PUM1: variants seen among roughly 807,000 people sequenced by gnomAD.
PUM1 encodes pumilio RNA binding family member 1.
A neutral mutation model predicts 131.8 loss-of-function variants in PUM1; 13 were observed. That is an observed-to-expected ratio of 0.10 (90% CI 0.06 to 0.16). PUM1 has a LOEUF of 0.16. PUM1 is among the 10% of genes least tolerant of loss of function. PUM1 has a pLI of 1.00. For missense variants in PUM1, 961 were observed against 1,512.4 expected, an observed-to-expected ratio of 0.64 and a Z score of 6.05; for synonymous variants, 509 against 556.5, an observed-to-expected ratio of 0.91 and a Z score of 1.20.
chr1:31,054,093 C>CCAA lies in PUM1; in HGVS notation c.363+5110_363+5111insTTG, dbSNP rs1553153860. Among the ~76,000 whole-genome samples, 254 of 54,876 alleles carry CCAA rather than the reference C, an allele frequency of 4.6e-3. 1 individual carries two copies. Among genetic ancestry groups the CCAA allele is most frequent in the Middle Eastern group, 0.023 (1 of 44 alleles). 36.0% of individuals were successfully genotyped at this position (54,876 alleles called of 152,430 possible). A position where few individuals can be genotyped will look rare whatever the true frequency, so the allele number is the denominator to read the frequency against. On this transcript the variant is annotated intron_variant, in intron 2 of 21. Coordinates refer to ENST00000426105, the MANE Select transcript of PUM1 (RefSeq NM_001020658.2). ...TGGACTACAGAGCAAGACTTTATTTCAAAAAAAAAAAAAAAAAAAAAAAAA... is the reference window on the plus strand; with the variant it reads ...TGGACTACAGAGCAAGACTTTATTTCCAAAAAAAAAAAAAAAAAAAAAAAAAAA...
intron 7 of PUM1, among the ~76,000 whole-genome samples, chr1:30,992,038 C>A (rs368158842): frequency 6.6e-6 from 1 of 152,290 alleles, no homozygotes; most frequent in East Asian, 1.9e-4. Flanking sequence ...ATTTTAAAAA[C>A]AAAACAAACC....
intron 14 of PUM1, among the ~76,000 whole-genome samples, chr1:30,962,583 G>T (rs1260246286): frequency 2.0e-5 from 3 of 151,940 alleles, no homozygotes; most frequent in Non-Finnish European, 4.4e-5. Flanking sequence ...GCTAATTTTT[G>T]TATTTTTTGG....
rs975089054 is a variant in PUM1 at position 30,952,929 on chromosome 1, T to A, written c.2592-566A>T. Among the ~76,000 whole-genome samples the A allele has an allele frequency of 1.3e-4, 20 of 151,934 alleles. 1 individual carries two copies. The highest frequency in any genetic ancestry group is 6.6e-4 in the Admixed American group (10 of 15,248). On this transcript the variant is annotated intron_variant, in intron 15 of 21. Coordinates refer to ENST00000426105, the MANE Select transcript of PUM1 (RefSeq NM_001020658.2). Reference sequence around the variant, plus strand: ...AGGCAGAGCTTGCAATGAGCCAAGATTGCGCCACTGCACTCCAGCCTGGGC... The same window carrying A: ...AGGCAGAGCTTGCAATGAGCCAAGAATGCGCCACTGCACTCCAGCCTGGGC...
At chr1:30,961,548 G>C (rs934209097) in intron 14 of PUM1, among the ~76,000 whole-genome samples, 1 of 151,826 alleles carries the variant, frequency 6.6e-6, no homozygotes, top group African/African-American at 2.4e-5. Flanking sequence ...GGGGGGAATA[G>C]AACTCAAAAA....
At chr1:31,046,397 T>TA (rs1033921478) in intron 2 of PUM1, among the ~76,000 whole-genome samples, 7 of 151,234 alleles carry the variant, frequency 4.6e-5, no homozygotes, top group Non-Finnish European at 7.4e-5. Context: ...AAAACAAAAT[T>TA]AAAAAAATCA....
intron 3 of PUM1, among the ~76,000 whole-genome samples, chr1:31,026,112 C>G (rs966131235): frequency 6.6e-6 from 1 of 151,824 alleles, no homozygotes; most frequent in Non-Finnish European, 1.5e-5. Context: ...TAAAATTAGC[C>G]GGGCACGGCG....
chr1:30,971,015 C>A (rs1237628933), intron 10 of PUM1, among the ~76,000 whole-genome samples: 4 of 152,158 alleles, frequency 2.6e-5, no homozygotes, highest in Admixed American at 2.6e-4. Context: ...TCCAGTACCC[C>A]TAACTACAAA....
chr1:31,058,316 T>C (rs987204476), intron 2 of PUM1, among the ~76,000 whole-genome samples: 1 of 152,146 alleles, frequency 6.6e-6, no homozygotes, highest in Non-Finnish European at 1.5e-5. Context: ...TAGCAGTTCT[T>C]ATGTCAACAG....
intron 3 of PUM1, among the ~76,000 whole-genome samples, chr1:31,026,379 A>G (rs958551981): frequency 6.6e-6 from 1 of 152,220 alleles, no homozygotes; most frequent in African/African-American, 2.4e-5. Flanking sequence ...CTAAACTAGA[A>G]GATGCTTTTT....
chr1:30,996,446 A>G (rs1429748931), intron 5 of PUM1, among the ~76,000 whole-genome samples: 2 of 152,232 alleles, frequency 1.3e-5, no homozygotes, highest in Non-Finnish European at 2.9e-5. Context: ...GATGCTCTTA[A>G]GAGATCACTG....
chr1:31,020,148 A>G (rs1642969619), intron 3 of PUM1, among the ~76,000 whole-genome samples: 1 of 152,172 alleles, frequency 6.6e-6, no homozygotes, highest in Admixed American at 6.5e-5. Flanking sequence ...CCCACTTACA[A>G]GTGAGAACAT....
chr1:30,954,601 C>T (rs1300226546), intron 14 of PUM1, among the ~76,000 whole-genome samples: 3 of 152,116 alleles, frequency 2.0e-5, no homozygotes, highest in Non-Finnish European at 4.4e-5. Flanking sequence ...GAAAAATTTT[C>T]GAGTTTTCAT....
intron 1 of PUM1, among the ~76,000 whole-genome samples, chr1:31,060,901 A>T (rs986074084): frequency 2.7e-4 from 41 of 151,152 alleles, no homozygotes; most frequent in African/African-American, 5.3e-4. Context: ...AAAAAAAAAA[A>T]ATAATAAATA....
intron 20 of PUM1, among the ~76,000 whole-genome samples, chr1:30,940,619 A>G (rs966076109): frequency 2.0e-5 from 3 of 152,226 alleles, no homozygotes; most frequent in Non-Finnish European, 4.4e-5. Context: ...GTATCTTCTC[A>G]GAAGACTATA....
intron 3 of PUM1, among the ~76,000 whole-genome samples, chr1:31,024,872 A>T (rs1643166609): frequency 6.6e-6 from 1 of 152,214 alleles, no homozygotes; most frequent in South Asian, 2.1e-4. Context: ...TTAGAAATAG[A>T]GCCCAGAAGC....
At chr1:30,950,553 T>A (rs1379523304) in intron 16 of PUM1, among the ~76,000 whole-genome samples, 1 of 152,248 alleles carries the variant, frequency 6.6e-6, no homozygotes, top group Non-Finnish European at 1.5e-5. Context: ...AAAGCTGTCA[T>A]TAATTCATAC....
rs1319990832 is a variant in PUM1, at chr1:31,049,632, A to G, written c.363+9572T>C. Among the ~76,000 whole-genome samples, 3 of 152,134 alleles carry G rather than the reference A, an allele frequency of 2.0e-5. No homozygotes were observed. In the East Asian group the frequency reaches 5.8e-4, roughly 29 times the overall value. On this transcript the variant is annotated intron_variant, in intron 2 of 21. Transcript: ENST00000426105. ...GAGGAAGAGGTTGCAGTGATCTGAG[A>G]TCCTGCCACTTCTCTCCAGCCTAGG...
At chr1:30,995,371 A>G (rs969827889) in intron 5 of PUM1, 151 bp from the exon 6 acceptor site, 2 of 832,022 alleles carry the variant, frequency 2.4e-6, no homozygotes, top group East Asian at 4.9e-5. Context: ...AACAACACAG[A>G]GGCAGGAACA....
intron 5 of PUM1, among the ~76,000 whole-genome samples, chr1:31,002,734 TAA>T (rs1179825000): frequency 2.0e-5 from 3 of 152,242 alleles, no homozygotes; most frequent in African/African-American, 7.2e-5. Flanking sequence ...GCTGCTCTCC[TAA>T]AGTTTGAGAT....
Sources: allele counts gnomAD v4.1 joint callset (sites outside exome capture counted in the v4.1 genomes callset), GRCh38; gene constraint gnomAD v4.1.1; transcripts MANE v1.5; gene names NCBI Gene and HGNC (gene_info 2026-07-23, HGNC 2026-07-21).